ZNF362: variants seen among roughly 807,000 people sequenced by gnomAD.
ZNF362 encodes rotund homolog.
In ZNF362, 11 loss-of-function variants were observed where a neutral mutation model predicts 42.9. The ratio of observed to expected loss-of-function variants is 0.26; its 90% confidence interval spans 0.16 to 0.42. The LOEUF (loss-of-function observed/expected upper bound fraction) is 0.42, where lower values mean the gene tolerates loss of function less well. Ranked by LOEUF, ZNF362 falls within the 20% of genes least tolerant of loss-of-function variation. The pLI is 1.00. For missense variants in ZNF362, 362 were observed against 576.2 expected, an observed-to-expected ratio of 0.63 and a Z score of 3.81; for synonymous variants, 255 against 257.3, an observed-to-expected ratio of 0.99 and a Z score of 0.09.
rs759919481 is a variant in ZNF362 at position 33,281,854 on chromosome 1, C to T, written c.908+43C>T. 7 of 1,600,420 alleles carry T rather than the reference C, an allele frequency of 4.4e-6. No individual in the cohort carries two copies. In the Admixed American group the frequency reaches 5.0e-5, roughly 11 times the overall value. On this transcript the variant is annotated intron_variant, in intron 6 of 8. Transcript: ENST00000539719. The surrounding 1 kb of genome is among the most constrained non-coding windows in gnomAD (Gnocchi z 4.8). Reference sequence around the variant, plus strand: ...TGCCCTGCTGCAGCCCGACTCAGCTCAGCACCCGTGGCCTGGCACATGGAG... The same window carrying T: ...TGCCCTGCTGCAGCCCGACTCAGCTTAGCACCCGTGGCCTGGCACATGGAG...
chr1:33,287,144 G>A (rs1162624371), intron 6 of ZNF362, among the ~76,000 whole-genome samples: 1 of 152,232 alleles, frequency 6.6e-6, no homozygotes, highest in Non-Finnish European at 1.5e-5. Flanking sequence ...TGGATTTATA[G>A]AGAAAATAGA....
At chr1:33,282,905 AT>A (rs1209477421) in intron 6 of ZNF362, among the ~76,000 whole-genome samples, 1 of 151,892 alleles carries the variant, frequency 6.6e-6, no homozygotes, top group Non-Finnish European at 1.5e-5. Flanking sequence ...TACCATTGGT[AT>A]TTTTAAAAAC....
Position 33,281,749 on chromosome 1 carries a change from C to G in ZNF362, c.846C>G (p.Pro282=). The change falls in exon 6 of 9, where the codon CCC becomes CCG. Residue 282 remains proline (P), a synonymous_variant. Coordinates refer to ENST00000539719, the MANE Select transcript of ZNF362 (RefSeq NM_152493.3). This position sits in a 1 kb window ranked among gnomAD's most constrained non-coding sequence, Gnocchi z 4.8. ...TGCGCATCCACCTGGGCGTCAAGCC[C>G]TACCACTGCTCCTACTGTGATAAGT... ...QHLRIHLGVK[P]YHCSYCDKSF... is the part of the protein sequence containing the mutation. The G allele has an allele frequency of 6.2e-7, 1 of 1,614,264 alleles. No individual in the cohort carries two copies. The highest frequency in any genetic ancestry group is 8.5e-7 in the Non-Finnish European group (1 of 1,180,044).
chr1:33,287,461 G>A (rs1646041003), intron 6 of ZNF362, among the ~76,000 whole-genome samples: 1 of 152,192 alleles, frequency 6.6e-6, no homozygotes, highest in African/African-American at 2.4e-5. Context: ...ACTGCAGCCT[G>A]GGTGACAGAG....
the ZNF362 span, among the ~76,000 whole-genome samples, chr1:33,211,411 A>T: frequency 1.3e-5 from 2 of 151,956 alleles, no homozygotes; most frequent in Non-Finnish European, 2.9e-5. Flanking sequence ...TTCCTTCAGG[A>T]GCTCTTGTAA....
chr1:33,128,395 A>G, the ZNF362 span, among the ~76,000 whole-genome samples: 1 of 152,088 alleles, frequency 6.6e-6, no homozygotes, highest in African/African-American at 2.4e-5. Context: ...CAAAAAATTT[A>G]ACGTATTTAA....
the ZNF362 span, among the ~76,000 whole-genome samples, chr1:33,138,452 G>C: frequency 6.6e-6 from 1 of 152,074 alleles, no homozygotes; most frequent in African/African-American, 2.4e-5. Flanking sequence ...CTTGAGACCA[G>C]GAGTTCAAGA....
At chr1:33,136,393 T>C in the ZNF362 span, among the ~76,000 whole-genome samples, 2 of 151,258 alleles carry the variant, frequency 1.3e-5, no homozygotes, top group African/African-American at 4.9e-5. Context: ...TCTTTCTTGA[T>C]AGTGCCTCGC....
the ZNF362 span, chr1:33,195,943 C>T: frequency 6.6e-6 from 1 of 152,082 alleles, no homozygotes; most frequent in Admixed American, 6.5e-5. Flanking sequence ...CTTTTGGGCT[C>T]TTCTGTAATA....
the ZNF362 span, chr1:33,158,147 C>T: frequency 1.0e-6 from 1 of 1,000,268 alleles, no homozygotes; most frequent in Non-Finnish European, 1.5e-6. Flanking sequence ...CAGCAAGGCA[C>T]TCTGCTCATT....
chr1:33,262,762 C>T (rs1645837830), intron 1 of ZNF362, among the ~76,000 whole-genome samples: 1 of 152,190 alleles, frequency 6.6e-6, no homozygotes, highest in Admixed American at 6.5e-5. Flanking sequence ...CACCCCTGAC[C>T]CTCCCTCCTG....
chr1:33,184,925 C>T, the ZNF362 span, among the ~76,000 whole-genome samples: 33 of 151,912 alleles, frequency 2.2e-4, no homozygotes, highest in African/African-American at 4.8e-4. Flanking sequence ...GGACTACAGG[C>T]GCATACCACC....
the ZNF362 span, among the ~76,000 whole-genome samples, chr1:33,136,727 C>T: frequency 6.6e-6 from 1 of 150,410 alleles, no homozygotes; most frequent in Non-Finnish European, 1.5e-5. Context: ...AGGCCGGGCA[C>T]GGTGGCTCAC....
chr1:33,236,550 A>AAAAAAAAAAAAAAAAAT, the ZNF362 span, among the ~76,000 whole-genome samples: 2 of 5,980 alleles, frequency 3.3e-4, 1 homozygote, highest in Non-Finnish European at 7.4e-4. Context: ...AAAAAAAAAA[A>AAAAAAAAAAAAAAAAAT]ATATATATAT....
the ZNF362 span, chr1:33,164,026 A>T: frequency 1.3e-5 from 2 of 152,016 alleles, no homozygotes; most frequent in African/African-American, 2.4e-5. Context: ...AGCCCATAAT[A>T]CTCCGCTCTC....
the ZNF362 span, among the ~76,000 whole-genome samples, chr1:33,138,740 T>A: frequency 6.6e-6 from 1 of 152,224 alleles, no homozygotes; most frequent in African/African-American, 2.4e-5. Flanking sequence ...CCTTTGTGTC[T>A]TGTGTATTTT....
At chr1:33,160,737 G>T in the ZNF362 span, among the ~76,000 whole-genome samples, 1 of 152,120 alleles carries the variant, frequency 6.6e-6, no homozygotes, top group African/African-American at 2.4e-5. Context: ...CATTCATGGG[G>T]CTCATTCAGG....
the ZNF362 span, among the ~76,000 whole-genome samples, chr1:33,167,110 T>C: frequency 6.6e-6 from 1 of 152,116 alleles, no homozygotes; most frequent in Non-Finnish European, 1.5e-5. The surrounding 1 kb of genome is among the most constrained non-coding windows in gnomAD (Gnocchi z 4.2). Context: ...GCCTCCACTC[T>C]CAGAGTTTCT....
chr1:33,206,186 T>A, the ZNF362 span, among the ~76,000 whole-genome samples: 1 of 152,162 alleles, frequency 6.6e-6, no homozygotes, highest in Non-Finnish European at 1.5e-5. Context: ...ACATCATTAA[T>A]CATTAAGGAG....
Sources: gnomAD v4.1 joint callset for allele counts (sites outside exome capture counted in the v4.1 genomes callset) on GRCh38, gnomAD v4.1.1 for gene constraint, Gnocchi (gnomAD v3.1) non-coding constraint, MANE v1.5 for transcripts, NCBI Gene and HGNC (gene_info 2026-07-23, HGNC 2026-07-21) for gene names.